PIP5K1B: variants seen among roughly 807,000 people sequenced by gnomAD.
The protein encoded by PIP5K1B is phosphatidylinositol 4-phosphate 5-kinase type-1 beta.
In PIP5K1B, 42 loss-of-function variants were observed where a neutral mutation model predicts 67.0. That is an observed-to-expected ratio of 0.63 (90% CI 0.49 to 0.81). The LOEUF (loss-of-function observed/expected upper bound fraction) is 0.81. Ranked by LOEUF, PIP5K1B falls within the 30% of genes least tolerant of loss-of-function variation. PIP5K1B has a pLI of 0.00. For missense variants in PIP5K1B, 459 were observed against 646.3 expected (o/e 0.71, Z 3.14); for synonymous variants, 214 against 231.4 (o/e 0.92, Z 0.68).
chr9:68,772,664 T>C (rs1177594874), intron 2 of PIP5K1B, among the ~76,000 whole-genome samples: 1 of 152,218 alleles, frequency 6.6e-6, no homozygotes, highest in Non-Finnish European at 1.5e-5. Flanking sequence ...TGCCCAATTA[T>C]TCTACTCAGA....
At position 68,926,818 on chromosome 9, in the gene PIP5K1B, C is replaced by T. The variant is rs141582991; in HGVS notation, c.1201+3432C>T. Reference sequence around the variant, plus strand: ...AACTGCTGACCTCAGGTGATCTACCCGCCTCAGCCTCCCAAAGTGCTCAGA... The same window carrying T: ...AACTGCTGACCTCAGGTGATCTACCTGCCTCAGCCTCCCAAAGTGCTCAGA... On this transcript the variant is annotated intron_variant, in intron 12 of 15. Transcript: ENST00000265382. Among the ~76,000 whole-genome samples the T allele has an allele frequency of 7.2e-3, 1,094 of 152,176 alleles. 10 individuals carry two copies. Among genetic ancestry groups the T allele is most frequent in the Non-Finnish European group, 0.011 (779 of 68,002 alleles).
chr9:68,903,314 G>A (rs1339467161), intron 8 of PIP5K1B, among the ~76,000 whole-genome samples: 1 of 152,092 alleles, frequency 6.6e-6, no homozygotes, highest in Non-Finnish European at 1.5e-5. Flanking sequence ...AATAAAAGCA[G>A]GTTTTAGTAA....
intron 2 of PIP5K1B, among the ~76,000 whole-genome samples, chr9:68,758,275 T>C (rs1317918684): frequency 6.6e-6 from 1 of 152,014 alleles, no homozygotes; most frequent in Non-Finnish European, 1.5e-5. Context: ...GGAAAGACAA[T>C]TGACAGAGGC....
rs192327074 is a variant in PIP5K1B at position 68,858,539 on chromosome 9, C to T, written c.70-5298C>T. Reference sequence around the variant, plus strand: ...TTTGGTTTTTAAAATATATATCAGGCGTGGGAGTTGGTGGGAAGCAGACAG... The same window carrying T: ...TTTGGTTTTTAAAATATATATCAGGTGTGGGAGTTGGTGGGAAGCAGACAG... On this transcript the variant is annotated intron_variant, in intron 4 of 15. Transcript: ENST00000265382. Among the ~76,000 whole-genome samples the T allele has an allele frequency of 7.2e-5, 11 of 152,214 alleles. No homozygotes were observed. In the East Asian group the frequency reaches 1.9e-3, roughly 27 times the overall value.
intron 4 of PIP5K1B, among the ~76,000 whole-genome samples, chr9:68,828,590 A>G (rs1252070522): frequency 6.6e-6 from 1 of 152,242 alleles, no homozygotes; most frequent in East Asian, 1.9e-4. Flanking sequence ...ACCACATTCC[A>G]AGGAAAGATG....
intron 4 of PIP5K1B, among the ~76,000 whole-genome samples, chr9:68,861,286 G>C (rs962146676): frequency 1.4e-5 from 1 of 70,060 alleles, no homozygotes; most frequent in Non-Finnish European, 3.6e-5. Context: ...AGAGGAGAAA[G>C]ATTTTTTCTT....
chr9:69,008,324 T>C, intron 15 of PIP5K1B, 123 bp from the exon 16 acceptor site: 1 of 838,990 alleles, frequency 1.2e-6, no homozygotes, highest in East Asian at 2.5e-5. Context: ...CCAAACATAA[T>C]GCACCCCATT....
chr9:68,950,509 G>A (rs1488391968), intron 14 of PIP5K1B, among the ~76,000 whole-genome samples: 1 of 152,154 alleles, frequency 6.6e-6, no homozygotes, highest in African/African-American at 2.4e-5. Context: ...TCTTCGAGAC[G>A]TTTCCCTTTG....
chr9:68,866,187 G>T (rs1191155192), intron 5 of PIP5K1B, among the ~76,000 whole-genome samples: 2 of 151,830 alleles, frequency 1.3e-5, no homozygotes, highest in Non-Finnish European at 2.9e-5. Context: ...CAGCAACTCA[G>T]GAGGAGGCTG....
intron 14 of PIP5K1B, among the ~76,000 whole-genome samples, chr9:68,962,855 A>G (rs1828824008): frequency 6.6e-6 from 1 of 152,320 alleles, no homozygotes; most frequent in Middle Eastern, 3.4e-3. Flanking sequence ...CTTCAAGGCA[A>G]TTCTAAATTG....
At chr9:68,821,676 T>C (rs1044337491) in intron 3 of PIP5K1B, among the ~76,000 whole-genome samples, 7 of 152,248 alleles carry the variant, frequency 4.6e-5, no homozygotes, top group Admixed American at 3.9e-4. Context: ...AGTAAAAGCT[T>C]TAAATTTTTT....
intron 1 of PIP5K1B, among the ~76,000 whole-genome samples, chr9:68,712,849 C>A (rs567635339): frequency 6.6e-6 from 1 of 152,196 alleles, no homozygotes. Context: ...AAGCACAAAA[C>A]AAAACGTTGC....
intron 8 of PIP5K1B, among the ~76,000 whole-genome samples, chr9:68,912,122 C>A (rs1000171042): frequency 2.0e-5 from 3 of 152,146 alleles, no homozygotes; most frequent in Non-Finnish European, 2.9e-5. Flanking sequence ...TGAAATACCC[C>A]CCAGTCGAAA....
chr9:68,881,303 C>T (rs1199346557), intron 6 of PIP5K1B, among the ~76,000 whole-genome samples: 1 of 152,154 alleles, frequency 6.6e-6, no homozygotes, highest in Non-Finnish European at 1.5e-5. Flanking sequence ...AAGTCAAACA[C>T]CTTTAACAAA....
chr9:68,992,925 G>A (rs1289890299), intron 15 of PIP5K1B, among the ~76,000 whole-genome samples: 1 of 149,140 alleles, frequency 6.7e-6, no homozygotes. Context: ...TTGGGATGCC[G>A]AGGCAGGAGC....
At position 68,894,346 on chromosome 9, in the gene PIP5K1B, A is replaced by G; in HGVS notation, c.479A>G (p.Asn160Ser). 6.3e-7 allele frequency: 1 copy of G among 1,590,954 alleles called. No homozygotes were observed. The highest frequency in any genetic ancestry group is 8.6e-7 in the Non-Finnish European group (1 of 1,167,386). ...KLLPGYYMNL[N>S]QNPRTLLPKF... ...TCTTTTTTTGGTTTCTAGAATTTAA[A>G]CCAGAATCCAAGGACTCTTTTGCCA... The change falls in exon 8 of 16, where the codon AAC becomes AGC. Residue 160 changes from asparagine to serine, a missense_variant. Asn to Ser is a conservative substitution (Grantham distance 46, BLOSUM62 1). This residue lies in a region of PIP5K1B where 290 missense variants were observed against 474.4 expected (regional missense o/e 0.61). Coordinates refer to ENST00000265382, the MANE Select transcript of PIP5K1B (RefSeq NM_003558.4).
At chr9:68,768,972 A>G (rs945573) in intron 2 of PIP5K1B, among the ~76,000 whole-genome samples, 69,705 of 152,140 alleles carry the variant, frequency 0.46, 16,355 homozygotes, top group Admixed American at 0.53. Context: ...AGTACTTTTA[A>G]AAATTAGCTA....
chr9:68,780,684 C>G, intron 2 of PIP5K1B: 1 of 1,614,204 alleles, frequency 6.2e-7, no homozygotes, highest in Non-Finnish European at 8.5e-7. Flanking sequence ...GCCTCCAAGC[C>G]CTATTCCCAG....
At chr9:68,958,363 AT>A (rs1828510057) in intron 14 of PIP5K1B, among the ~76,000 whole-genome samples, 1 of 152,026 alleles carries the variant, frequency 6.6e-6, no homozygotes, top group African/African-American at 2.4e-5. Flanking sequence ...AGCCAGAATG[AT>A]TTTTTTTAAT....
Sources: allele counts gnomAD v4.1 joint callset (sites outside exome capture counted in the v4.1 genomes callset), GRCh38; gene constraint gnomAD v4.1.1; regional missense constraint gnomAD v4.1.1; transcripts MANE v1.5; gene names NCBI Gene and HGNC (gene_info 2026-07-23, HGNC 2026-07-21).